The following EFHB variants were observed in gnomAD, a reference collection of about 807,000 sequenced individuals.
EFHB encodes the protein EF-hand domain-containing family member B.
Under a neutral mutation model 87.2 loss-of-function variants are expected in EFHB, and 91 were observed. The observed-to-expected ratio is 1.04, with a 90% CI of 0.88 to 1.24. The LOEUF (loss-of-function observed/expected upper bound fraction) is 1.24, where lower values mean the gene tolerates loss of function less well. Among genes scored for constraint, EFHB ranks in the 50% most tolerant of loss-of-function variants. The probability of loss-of-function intolerance (pLI) is 0.00; values close to 1 mark genes in which losing one functional copy is unlikely to be tolerated. For synonymous variants in EFHB, 325 were observed against 333.6 expected, an observed-to-expected ratio of 0.97 and a Z score of 0.28; for missense variants, 1,084 against 998.8, an observed-to-expected ratio of 1.09 and a Z score of -1.15.
chr3:19,887,825 A>T (rs1694158886), intron 10 of EFHB, among the ~76,000 whole-genome samples: 1 of 152,244 alleles, frequency 6.6e-6, no homozygotes, highest in African/African-American at 2.4e-5. Flanking sequence ...CAAAATTTTT[A>T]AAATCTAATT....
At chr3:19,943,058 G>C (rs1183773214) in intron 1 of EFHB, 1 of 328,986 alleles carries the variant, frequency 3.0e-6, no homozygotes, top group Admixed American at 3.4e-5. Context: ...CTTCATATCA[G>C]ACTGGACAAC....
At chr3:19,886,400 A>C (rs1038103499) in intron 10 of EFHB, among the ~76,000 whole-genome samples, 12 of 152,220 alleles carry the variant, frequency 7.9e-5, no homozygotes, top group Non-Finnish European at 1.5e-4. Context: ...AGAGAAAATA[A>C]AAATGTAAAT....
upstream of EFHB, among the ~76,000 whole-genome samples, chr3:19,934,515 CT>C: frequency 6.6e-6 from 1 of 151,882 alleles, no homozygotes; most frequent in South Asian, 2.1e-4. Context: ...CTCCCTCCCC[CT>C]CTTCCCCTCT....
chr3:19,933,004 A>G (rs1252877287), intron 1 of EFHB, among the ~76,000 whole-genome samples: 1 of 152,222 alleles, frequency 6.6e-6, no homozygotes, highest in African/African-American at 2.4e-5. Context: ...ATCAGAACAA[A>G]CCACCGGTGT....
intron 1 of EFHB, among the ~76,000 whole-genome samples, chr3:19,929,465 G>A (rs1176645840): frequency 1.3e-5 from 2 of 151,882 alleles, no homozygotes; most frequent in African/African-American, 4.8e-5. Context: ...CTGCACTTTG[G>A]GAGGCTGAGG....
At position 19,915,283 on chromosome 3, in the gene EFHB, T is replaced by C. The variant is rs761546608; in HGVS notation, c.1288+20A>G. On this transcript the variant is annotated intron_variant, in intron 5 of 12. Coordinates refer to ENST00000295824, the MANE Select transcript of EFHB (RefSeq NM_144715.4). ...AGAGTCCCATATCCTCAGGCCCATT[T>C]TGCATCGGAGGACACTTACCTGCAT... 9.1e-6 allele frequency: 14 copies of C among 1,546,556 alleles called. No homozygotes were observed. In the East Asian group the frequency reaches 3.2e-4, roughly 35 times the overall value.
Position 19,920,568 on chromosome 3 carries a change from C to G in EFHB, c.790-1G>C. 6.3e-7 allele frequency: 1 copy of G among 1,589,952 alleles called. No individual in the cohort carries two copies. The highest frequency in any genetic ancestry group is 1.2e-5 in the South Asian group (1 of 86,184). On this transcript the variant is annotated splice_acceptor_variant, in intron 1 of 12. Transcript: ENST00000295824. LOFTEE classifies it high-confidence loss of function. The stretch of plus-strand genomic sequence containing the variant: ...AACCAACTGGAATAACTTTTCCTGC[C>G]TTTGGGGGAAAAAAATGGGTTGATC...
At chr3:19,936,406 T>C (rs1696022955), upstream of EFHB, 3 of 486,810 alleles carry the variant, frequency 6.2e-6, no homozygotes, top group East Asian at 9.7e-5. Flanking sequence ...CTACAAAAAA[T>C]TTCAAAAATC....
At position 19,891,938 on chromosome 3, in the gene EFHB, C is replaced by T. The variant is rs996205606; in HGVS notation, c.1726-3287G>A. 3.9e-5 allele frequency among the ~76,000 whole-genome samples: 6 copies of T among 152,178 alleles called. No individual in the cohort carries two copies. The East Asian group carries it at 9.6e-4, about 24-fold the overall frequency. Reference sequence around the variant, plus strand: ...GCCAGAAGTTGACTCATTTGTCTTACGGTGAGAGAGGACACATCACACATA... The same window carrying T: ...GCCAGAAGTTGACTCATTTGTCTTATGGTGAGAGAGGACACATCACACATA... On this transcript the variant is annotated intron_variant, in intron 9 of 12. Transcript: ENST00000295824.
rs569260770 is a variant in EFHB, at chr3:19,902,784, A to G, written c.1418+2836T>C. Among the ~76,000 whole-genome samples the G allele has an allele frequency of 3.3e-5, 5 of 152,384 alleles. No individual in the cohort carries two copies. The East Asian group carries it at 9.6e-4, about 29-fold the overall frequency. On this transcript the variant is annotated intron_variant, in intron 6 of 12. Transcript: ENST00000295824. ...ACACTCTTGACTCCACGTTTGTAAC[A>G]GAAATCAAACTGAATGAAGTAGTGA...
intron 1 of EFHB, chr3:19,940,126 T>A (rs1344620746): frequency 6.5e-6 from 1 of 153,184 alleles, no homozygotes; most frequent in Admixed American, 6.5e-5. Context: ...CAGGCCTTTT[T>A]AGGCAAATTT....
In EFHB at chr3:19,896,757, C is replaced by T. The variant is rs374082590; in HGVS notation, c.1655G>A (p.Arg552Gln). The T allele has an allele frequency of 2.0e-5, 32 of 1,613,594 alleles. No individual in the cohort carries two copies. Among genetic ancestry groups the T allele is most frequent in the Non-Finnish European group, 2.4e-5 (28 of 1,179,660 alleles). ...DRQRALIAAV[R>Q]HHLKKVNYQK... is the part of the protein sequence containing the mutation. ...GTAATTAACTTTCTTCAGGTGATGC[C>T]GAACTGCTGCAATCAGGGCTCGCTG... Residue 552 changes from arginine (R) to glutamine (Q), a missense_variant, in exon 9 of 13, where the codon CGG becomes CAG. By Grantham distance (43) the Arg-to-Gln change is conservative. Transcript: ENST00000295824.
At chr3:19,926,771 C>T (rs1695645402) in intron 1 of EFHB, among the ~76,000 whole-genome samples, 1 of 151,934 alleles carries the variant, frequency 6.6e-6, no homozygotes, top group South Asian at 2.1e-4. Flanking sequence ...AGTGATTCAC[C>T]CACCTCAGCC....
chr3:19,890,298 G>T (rs934197354), intron 9 of EFHB, among the ~76,000 whole-genome samples: 1 of 152,040 alleles, frequency 6.6e-6, no homozygotes, highest in Non-Finnish European at 1.5e-5. Context: ...GATCTCATCC[G>T]CTTTAGGGAG....
Position 19,898,805 on chromosome 3 carries a change from C to T in EFHB, c.1543G>A (p.Gly515Arg), listed in dbSNP as rs1162645810. ...TMNVPPDCTF[G>R]ACLRPEEYGV... Reference sequence around the variant, plus strand: ...TATTCCTCAGGACGGAGACAAGCTCCAAATGTGCAGTCTGGGGGAACATTC... The same window carrying T: ...TATTCCTCAGGACGGAGACAAGCTCTAAATGTGCAGTCTGGGGGAACATTC... The change falls in exon 8 of 13, where the codon GGA becomes AGA. Residue 515 changes from glycine to arginine, a missense_variant. Coordinates refer to ENST00000295824, the MANE Select transcript of EFHB (RefSeq NM_144715.4). The T allele has an allele frequency of 2.2e-5, 36 of 1,613,630 alleles. No homozygotes were observed. Among genetic ancestry groups the T allele is most frequent in the Non-Finnish European group, 3.0e-5 (35 of 1,179,816 alleles).
At chr3:19,890,174 T>C (rs1178443109) in intron 9 of EFHB, among the ~76,000 whole-genome samples, 2 of 152,200 alleles carry the variant, frequency 1.3e-5, no homozygotes, top group African/African-American at 4.8e-5. Flanking sequence ...GTTTGTTTCA[T>C]GGAGCTACCA....
At chr3:19,885,066 A>G (rs1320917095) in intron 10 of EFHB, among the ~76,000 whole-genome samples, 3 of 151,300 alleles carry the variant, frequency 2.0e-5, no homozygotes, top group African/African-American at 7.4e-5. Flanking sequence ...TATTAAAAAT[A>G]TAAAAGTTAG....
intron 9 of EFHB, among the ~76,000 whole-genome samples, chr3:19,893,437 T>C (rs1408985741): frequency 1.3e-5 from 2 of 152,148 alleles, no homozygotes; most frequent in Non-Finnish European, 2.9e-5. Flanking sequence ...ATACCCTGAT[T>C]TTGTGGCAAT....
chr3:19,890,008 A>C (rs2125122478), intron 9 of EFHB, among the ~76,000 whole-genome samples: 1 of 152,308 alleles, frequency 6.6e-6, no homozygotes, highest in South Asian at 2.1e-4. Flanking sequence ...AAAAGTCTCT[A>C]CTACAACCAA....
Sources: gnomAD v4.1 joint callset for allele counts (sites outside exome capture counted in the v4.1 genomes callset) on GRCh38, gnomAD v4.1.1 for gene constraint, MANE v1.5 for transcripts, NCBI Gene and HGNC (gene_info 2026-07-23, HGNC 2026-07-21) for gene names.